PIK3C2A: variants seen among roughly 807,000 people sequenced by gnomAD.
The protein encoded by PIK3C2A is phosphatidylinositol-4-phosphate 3-kinase catalytic subunit type 2 alpha.
PIK3C2A carries 97 observed loss-of-function variants against 204.5 expected under a neutral mutation model. The observed-to-expected ratio is 0.47, with a 90% CI of 0.40 to 0.56. The LOEUF is 0.56. Ranked by LOEUF, PIK3C2A falls within the 20% of genes least tolerant of loss-of-function variation. The pLI, the probability that PIK3C2A is intolerant of heterozygous loss-of-function variation, is 0.00. For missense variants in PIK3C2A, 1,735 were observed against 1,969.2 expected (o/e 0.88, Z 2.25); for synonymous variants, 653 against 664.4 (o/e 0.98, Z 0.26).
At chr11:17,134,760 C>T in intron 11 of PIK3C2A, 59 bp downstream of exon 11, 2 of 1,317,288 alleles carry the variant, frequency 1.5e-6, no homozygotes, top group Admixed American at 3.4e-5. Flanking sequence ...TGTGGCCTCA[C>T]AAAGCCTTGG....
chr11:17,095,014 C>T (rs188532342), intron 27 of PIK3C2A, among the ~76,000 whole-genome samples: 25 of 152,044 alleles, frequency 1.6e-4, no homozygotes, highest in Admixed American at 9.8e-4. Context: ...TTTGAGGGGC[C>T]AAGGTGAGAG....
intron 1 of PIK3C2A, among the ~76,000 whole-genome samples, chr11:17,180,058 G>A (rs765203358): frequency 6.6e-6 from 1 of 152,060 alleles, no homozygotes; most frequent in Non-Finnish European, 1.5e-5. Flanking sequence ...AATAACTTTT[G>A]TTTGGCAAAA....
In PIK3C2A at chr11:17,189,552, T is replaced by C. The variant is rs983619796; in HGVS notation, c.-66+18296A>G. On this transcript the variant is annotated intron_variant, in intron 1 of 32. Transcript: ENST00000691414. Reference sequence around the variant, plus strand: ...ATTGCTTGAACTTGGGAGGCAGAGATTGTGGTTGTTTTTAGTATATTCAGT... The same window carrying C: ...ATTGCTTGAACTTGGGAGGCAGAGACTGTGGTTGTTTTTAGTATATTCAGT... 5.6e-5 allele frequency among the ~76,000 whole-genome samples: 8 copies of C among 142,204 alleles called. 1 individual carries two copies. The highest frequency in any genetic ancestry group is 2.1e-4 in the African/African-American group (7 of 32,866). The allele number at this position is 142,204 out of a possible 152,430, so 93.3% of individuals were successfully genotyped here.
rs563453366 is a variant in PIK3C2A, at chr11:17,206,880, A to AT, written c.-66+967dup. Among the ~76,000 whole-genome samples the AT allele has an allele frequency of 5.9e-3, 904 of 152,318 alleles. 17 individuals are homozygous for AT. Among genetic ancestry groups the AT allele is most frequent in the African/African-American group, 0.021 (860 of 41,568 alleles). ...AACCCACCAGGAAAGATTTCAGGACATTCTTTAATAACTAATCTTGTTCAA... is the reference window on the plus strand; with the variant it reads ...AACCCACCAGGAAAGATTTCAGGACATTTCTTTAATAACTAATCTTGTTCAA... On this transcript the variant is annotated intron_variant, in intron 1 of 32. Transcript: ENST00000691414.
chr11:17,142,601 G>A (rs1041974514), intron 8 of PIK3C2A, among the ~76,000 whole-genome samples: 2 of 152,140 alleles, frequency 1.3e-5, no homozygotes, highest in Non-Finnish European at 2.9e-5. Flanking sequence ...GATTGTTTGA[G>A]CCCAGGAGTT....
chr11:17,196,937 A>G (rs1293999342), intron 1 of PIK3C2A, among the ~76,000 whole-genome samples: 2 of 152,140 alleles, frequency 1.3e-5, no homozygotes, highest in Non-Finnish European at 2.9e-5. Context: ...CAACCTGGAC[A>G]TAAAAAAGAG....
rs2052188 is a variant in PIK3C2A at position 17,105,123 on chromosome 11, C to T, written c.3681+46G>A. ...ATGAAAGAACTTAAAACCTCTGTAACACATTTTTGACAAAGCTTTTTAGAA... is the reference window on the plus strand; with the variant it reads ...ATGAAAGAACTTAAAACCTCTGTAATACATTTTTGACAAAGCTTTTTAGAA... On this transcript the variant is annotated intron_variant, in intron 23 of 32. Transcript: ENST00000691414. 665,331 of 1,495,102 alleles carry T rather than the reference C, an allele frequency of 0.45. 151,567 individuals are homozygous for T. Among genetic ancestry groups the T allele is most frequent in the Non-Finnish European group, 0.47 (505,142 of 1,075,450 alleles). 92.6% of individuals were successfully genotyped at this position (1,495,102 alleles called of 1,614,324 possible).
chr11:17,184,402 T>G (rs1422386084), intron 1 of PIK3C2A, among the ~76,000 whole-genome samples: 1 of 152,044 alleles, frequency 6.6e-6, no homozygotes, highest in Non-Finnish European at 1.5e-5. Context: ...TGACCTTGTG[T>G]AGGCCTAGGC....
chr11:17,130,383 G>C (rs1336103634), intron 12 of PIK3C2A, among the ~76,000 whole-genome samples: 1 of 152,112 alleles, frequency 6.6e-6, no homozygotes, highest in Non-Finnish European at 1.5e-5. Context: ...TGCTTTCACA[G>C]ACATGTATTA....
rs769665210 is a variant in PIK3C2A, at chr11:17,155,578, C to G, written c.1117G>C (p.Glu373Gln). Residue 373 changes from glutamate (E) to glutamine (Q), a missense_variant, in exon 3 of 33, where the codon GAA becomes CAA. Glu to Gln is a conservative substitution (Grantham distance 29). Around this residue, in one of 6 missense-constraint regions of PIK3C2A, gnomAD observed 536 missense variants for 546.7 expected, o/e 0.98. Coordinates refer to ENST00000691414, the MANE Select transcript of PIK3C2A (RefSeq NM_002645.4). Reference protein sequence around the residue: ...SLPTGSSLLQEVEVQNEEMAA... With the variant: ...SLPTGSSLLQQVEVQNEEMAA... ...ATCTCCTCATTCTGTACTTCAACTT[C>G]TTGAAGAAGAGAACTTCCAGTTGGC... 3 of 1,608,436 alleles carry G rather than the reference C, an allele frequency of 1.9e-6. No homozygotes were observed. The African/African-American group carries it at 4.0e-5, about 21-fold the overall frequency.
In PIK3C2A at chr11:17,180,951, A is replaced by T. The variant is rs184377027; in HGVS notation, c.-65-11145T>A. ...AAAACTCAGGTGGAGTTTACTTATT[A>T]CTGACTTATTATAAAGGATACAACT... On this transcript the variant is annotated intron_variant, in intron 1 of 32. Transcript: ENST00000691414. Among the ~76,000 whole-genome samples, 528 of 152,328 alleles carry T rather than the reference A, an allele frequency of 3.5e-3. 4 individuals are homozygous for T. Among genetic ancestry groups the T allele is most frequent in the Non-Finnish European group, 5.5e-3 (373 of 68,036 alleles).
At chr11:17,099,510 C>T (rs1036758648) in intron 26 of PIK3C2A, among the ~76,000 whole-genome samples, 17 of 152,252 alleles carry the variant, frequency 1.1e-4, no homozygotes, top group African/African-American at 4.1e-4. Context: ...TGCACCACTG[C>T]ACTCTAGCCT....
At chr11:17,091,954 C>G (rs755331353) in intron 30 of PIK3C2A, 42 bp downstream of exon 30, 3 of 1,202,212 alleles carry the variant, frequency 2.5e-6, no homozygotes, top group Non-Finnish European at 2.5e-6. Flanking sequence ...TACAGACTTG[C>G]AGATCATGAG....
Position 17,193,873 on chromosome 11 carries a change from A to AAAAGAAAAGAAAAGG in PIK3C2A, c.-66+13974_-66+13975insCCTTTTCTTTTCTTT, listed in dbSNP as rs1218760602. ...AAAAGAAAAGAAAAGAAAAGAAAAG[A>AAAAGAAAAGAAAAGG]AAAGAAAAGAAAAGAAAAGAAAAGA... is the stretch of plus-strand genomic sequence containing the variant. On this transcript the variant is annotated intron_variant, in intron 1 of 32. Transcript: ENST00000691414. 264 of 111,428 alleles carry AAAAGAAAAGAAAAGG rather than the reference A, an allele frequency of 2.4e-3. 37 individuals are homozygous for AAAAGAAAAGAAAAGG. Among genetic ancestry groups the AAAAGAAAAGAAAAGG allele is most frequent in the Non-Finnish European group, 3.0e-3 (207 of 68,674 alleles). 6.9% of individuals were successfully genotyped at this position (111,428 alleles called of 1,614,324 possible).
At chr11:17,095,429 A>G (rs1323066135) in intron 27 of PIK3C2A, among the ~76,000 whole-genome samples, 3 of 150,068 alleles carry the variant, frequency 2.0e-5, no homozygotes, top group Non-Finnish European at 4.4e-5. Context: ...AAAAAAAAAA[A>G]AAATACAAAA....
chr11:17,156,407 G>C (rs887807650), intron 2 of PIK3C2A, among the ~76,000 whole-genome samples: 2 of 152,104 alleles, frequency 1.3e-5, no homozygotes, highest in African/African-American at 4.8e-5. Flanking sequence ...TGTTTTTTGA[G>C]ACAAGGACTC....
At position 17,191,648 on chromosome 11, in the gene PIK3C2A, G is replaced by A. The variant is rs35933365; in HGVS notation, c.-66+16200C>T. On this transcript the variant is annotated intron_variant, in intron 1 of 32. Coordinates refer to ENST00000691414, the MANE Select transcript of PIK3C2A (RefSeq NM_002645.4). ...ACCATGAACATAATAGCTCTTAGCA[G>A]TGAGTTCTCCTGGCATCTTTTTAGC... is the stretch of plus-strand genomic sequence containing the variant. Among the ~76,000 whole-genome samples the A allele has an allele frequency of 4.1e-3, 627 of 152,262 alleles. 2 individuals carry two copies. The highest frequency in any genetic ancestry group is 6.8e-3 in the Non-Finnish European group (466 of 68,034).
chr11:17,147,897 A>G (rs1248227206), intron 5 of PIK3C2A, among the ~76,000 whole-genome samples: 1 of 152,194 alleles, frequency 6.6e-6, no homozygotes, highest in African/African-American at 2.4e-5. Flanking sequence ...TAAAATCTGT[A>G]AAACAACTGG....
intron 1 of PIK3C2A, among the ~76,000 whole-genome samples, chr11:17,203,134 C>T (rs1428448619): frequency 5.3e-5 from 8 of 152,054 alleles, no homozygotes. Flanking sequence ...TGTATAAATT[C>T]TCCTTTTAAC....
Sources: gnomAD v4.1 joint callset for allele counts (sites outside exome capture counted in the v4.1 genomes callset) on GRCh38, gnomAD v4.1.1 for gene constraint, gnomAD v4.1.1 regional missense constraint, MANE v1.5 for transcripts, NCBI Gene and HGNC (gene_info 2026-07-23, HGNC 2026-07-21) for gene names.